Variants in SYNE2 observed in about 807,000 individuals in gnomAD.
SYNE2 encodes the protein spectrin repeat containing nuclear envelope protein 2, also known as nesprin-2.
Under a neutral mutation model 856.3 loss-of-function variants are expected in SYNE2, and 431 were observed. That is an observed-to-expected ratio of 0.50 (90% CI 0.47 to 0.55). SYNE2 has a LOEUF of 0.55. SYNE2 is among the 20% of genes least tolerant of loss of function. The pLI is 0.00. For synonymous variants in SYNE2, 2,923 were observed against 2,872.3 expected, an observed-to-expected ratio of 1.02 and a Z score of -0.56; for missense variants, 8,129 against 8,023.2, an observed-to-expected ratio of 1.01 and a Z score of -0.50.
intron 35 of SYNE2, among the ~76,000 whole-genome samples, chr14:64,020,421 C>T (rs983890226): frequency 3.3e-5 from 5 of 152,196 alleles, no homozygotes; most frequent in African/African-American, 1.2e-4. Context: ...AAAAATCATG[C>T]ATTCTAAACA....
At chr14:64,088,403 TC>T (rs1196715971) in intron 58 of SYNE2, among the ~76,000 whole-genome samples, 4 of 152,222 alleles carry the variant, frequency 2.6e-5, no homozygotes, top group Non-Finnish European at 5.9e-5. Context: ...CTCAGTGTTT[TC>T]TCTTTGTCAA....
intron 99 of SYNE2, among the ~76,000 whole-genome samples, chr14:64,199,282 G>T (rs906099640): frequency 6.6e-6 from 1 of 152,186 alleles, no homozygotes; most frequent in Non-Finnish European, 1.5e-5. Context: ...GAGAGGATGG[G>T]TAGTGCTTAA....
rs552323268 is a variant in SYNE2, at chr14:64,022,120, G to C, written c.5524+92G>C. On this transcript the variant is annotated intron_variant, in intron 37 of 115. Coordinates refer to ENST00000555002, the MANE Select transcript of SYNE2 (RefSeq NM_182914.3). ...CAAAAGCTAATCTAAGCCTGACTTA[G>C]AGATGGTTTGCACAGACTACATTCA... 155 of 1,249,970 alleles carry C rather than the reference G, an allele frequency of 1.2e-4. 1 individual carries two copies. The African/African-American group carries it at 1.8e-3, about 14-fold the overall frequency. 77.4% of individuals were successfully genotyped at this position (1,249,970 alleles called of 1,614,324 possible).
chr14:64,103,644 G>A (rs2097752904), intron 64 of SYNE2, among the ~76,000 whole-genome samples: 1 of 152,040 alleles, frequency 6.6e-6, no homozygotes, highest in Admixed American at 6.5e-5. Flanking sequence ...GCCTATACCT[G>A]CCTTGTCAGT....
intron 100 of SYNE2, among the ~76,000 whole-genome samples, chr14:64,206,454 AT>A (rs890416232): frequency 6.7e-6 from 1 of 149,086 alleles, no homozygotes; most frequent in Admixed American, 6.6e-5. Flanking sequence ...CTATCACTTT[AT>A]TTATTTTTTT....
intron 59 of SYNE2, 109 bp from the exon 60 acceptor site, chr14:64,090,757 T>A (rs1235063462): frequency 4.8e-6 from 5 of 1,039,570 alleles, no homozygotes; most frequent in East Asian, 2.6e-5. Flanking sequence ...GAAATTATTT[T>A]AAAAATGCAA....
chr14:63,901,600 A>G (rs1050083715), intron 1 of SYNE2, among the ~76,000 whole-genome samples: 4 of 152,228 alleles, frequency 2.6e-5, no homozygotes, highest in Non-Finnish European at 5.9e-5. Flanking sequence ...ACACCACAGG[A>G]TTATTGCATA....
intron 48 of SYNE2, 84 bp downstream of exon 48, chr14:64,053,741 C>T (rs2097246224): frequency 1.1e-5 from 16 of 1,403,222 alleles, no homozygotes; most frequent in African/African-American, 2.9e-5. Flanking sequence ...CCAAGGCTGG[C>T]GGATCACTTG....
rs112585878 is a variant in SYNE2, at chr14:63,956,149, G to A, written c.787+1234G>A. 5.3e-3 allele frequency among the ~76,000 whole-genome samples: 806 copies of A among 152,278 alleles called. 4 individuals carry two copies. The highest frequency in any genetic ancestry group is 0.018 in the African/African-American group (746 of 41,528). On this transcript the variant is annotated intron_variant, in intron 8 of 115. Coordinates refer to ENST00000555002, the MANE Select transcript of SYNE2 (RefSeq NM_182914.3). ...AACAACAGTCAAGCCTTCATTTGCA[G>A]ACTTCTGTGTGATAAATGCTACTGC...
rs757640317 is a variant in SYNE2, at chr14:64,137,862, T to C, written c.14722T>C (p.Ser4908Pro). 7 of 1,614,060 alleles carry C rather than the reference T, an allele frequency of 4.3e-6. No homozygotes were observed. The highest frequency in any genetic ancestry group is 5.9e-6 in the Non-Finnish European group (7 of 1,180,030). The change falls in exon 79 of 116, where the codon TCT becomes CCT. Residue 4908 changes from serine (S) to proline (P), a missense_variant. This residue lies in a region of SYNE2 where 5,410 missense variants were observed against 5,284.8 expected (regional missense o/e 1.02). Coordinates refer to ENST00000555002, the MANE Select transcript of SYNE2 (RefSeq NM_182914.3). The part of the protein sequence containing the change: ...TLNEGKQLVA[S>P]VSCPELEGQI... ...GAACGAAGGCAAACAGTTGGTGGCG[T>C]CTGTGAGCTGTCCTGAATTAGAGGG...
intron 8 of SYNE2, among the ~76,000 whole-genome samples, chr14:63,959,609 T>C (rs2096284620): frequency 6.6e-6 from 1 of 152,166 alleles, no homozygotes; most frequent in Non-Finnish European, 1.5e-5. Flanking sequence ...CCTACAGCCG[T>C]ATTTCTACAG....
chr14:63,994,162 T>C (rs1187882404), intron 22 of SYNE2, among the ~76,000 whole-genome samples, 193 bp downstream of exon 22: 1 of 152,186 alleles, frequency 6.6e-6, no homozygotes, highest in Non-Finnish European at 1.5e-5. Flanking sequence ...CAGACAAACC[T>C]GGATTCAGCA....
At chr14:63,967,675 A>G (rs1212360817) in intron 10 of SYNE2, 34 bp from the exon 11 acceptor site, 2 of 1,606,272 alleles carry the variant, frequency 1.2e-6, no homozygotes, top group Non-Finnish European at 1.7e-6. Context: ...GGAATTAAAC[A>G]TTTTCAATCT....
intron 1 of SYNE2, among the ~76,000 whole-genome samples, chr14:63,869,197 C>T (rs922643824): frequency 2.0e-5 from 3 of 152,296 alleles, no homozygotes; most frequent in Admixed American, 6.5e-5. Flanking sequence ...GCAGCCTGCT[C>T]GCTGCCTCTG....
At chr14:63,986,355 C>A in intron 18 of SYNE2, 101 bp from the exon 19 acceptor site, 3 of 1,263,448 alleles carry the variant, frequency 2.4e-6, no homozygotes, top group Non-Finnish European at 3.4e-6. Flanking sequence ...CTGCCCTGGC[C>A]TCCTAAAGAG....
At chr14:64,151,709 G>T (rs770754687) in intron 84 of SYNE2, among the ~76,000 whole-genome samples, 1 of 152,178 alleles carries the variant, frequency 6.6e-6, no homozygotes, top group Non-Finnish European at 1.5e-5. Context: ...ATGCAGAAGC[G>T]CGTCCCAAAT....
At position 63,956,128 on chromosome 14, in the gene SYNE2, A is replaced by G. The variant is rs1264002108; in HGVS notation, c.787+1213A>G. On this transcript the variant is annotated intron_variant, in intron 8 of 115. Transcript: ENST00000555002. ...CTCTTTTTTAGCAGTTAACAGAACA[A>G]CAGTCAAGCCTTCATTTGCAGACTT... Among the ~76,000 whole-genome samples, 4 of 152,254 alleles carry G rather than the reference A, an allele frequency of 2.6e-5. No homozygotes were observed. In the East Asian group the frequency reaches 7.7e-4, roughly 29 times the overall value.
intron 82 of SYNE2, among the ~76,000 whole-genome samples, chr14:64,143,420 C>T (rs1355845169): frequency 6.6e-6 from 1 of 152,168 alleles, no homozygotes; most frequent in Admixed American, 6.5e-5. Flanking sequence ...TTTCCGTGAG[C>T]CCTCAGGATG....
chr14:63,783,066 C>CA (rs1887373013), intron 1 of SYNE2, among the ~76,000 whole-genome samples: 1 of 152,102 alleles, frequency 6.6e-6, no homozygotes, highest in South Asian at 2.1e-4. Flanking sequence ...TGTCACCACT[C>CA]AAAATCTCAT....
Sources: allele counts gnomAD v4.1 joint callset (sites outside exome capture counted in the v4.1 genomes callset), GRCh38; gene constraint gnomAD v4.1.1; regional missense constraint gnomAD v4.1.1; transcripts MANE v1.5; gene names NCBI Gene and HGNC (gene_info 2026-07-23, HGNC 2026-07-21).